NOS1AP: variants seen among roughly 807,000 people sequenced by gnomAD.
NOS1AP encodes carboxyl-terminal PDZ ligand of neuronal nitric oxide synthase protein.
Under a neutral mutation model 56.2 loss-of-function variants are expected in NOS1AP, and 21 were observed. The observed-to-expected ratio is 0.37, with a 90% CI of 0.26 to 0.54. NOS1AP has a LOEUF of 0.54. Among genes scored for constraint, NOS1AP ranks in the 20% least tolerant of loss-of-function variants. NOS1AP has a pLI of 0.84. For missense variants in NOS1AP, 522 were observed against 657.8 expected (o/e 0.79, Z 2.26); for synonymous variants, 270 against 274.6 (o/e 0.98, Z 0.17).
chr1:162,287,281 G>A, intron 2 of NOS1AP, 63 bp from the exon 3 acceptor site: 1 of 1,193,370 alleles, frequency 8.4e-7, no homozygotes, highest in Non-Finnish European at 1.3e-6. Flanking sequence ...GGCTAGCTGG[G>A]TCTGTATAGA....
intron 2 of NOS1AP, among the ~76,000 whole-genome samples, chr1:162,183,237 A>T (rs934153464): frequency 6.6e-6 from 1 of 152,202 alleles, no homozygotes; most frequent in Admixed American, 6.5e-5. Context: ...TTTTGAAAGA[A>T]ATATATTTCT....
chr1:162,355,379 TG>T (rs1270364238), intron 7 of NOS1AP, 26 bp downstream of exon 7: 3 of 1,613,720 alleles, frequency 1.9e-6, no homozygotes, highest in Non-Finnish European at 1.7e-6. Context: ...CCCATCTGTG[TG>T]ATCTGCACAC....
At chr1:162,211,567 G>C (rs1652348363) in intron 2 of NOS1AP, among the ~76,000 whole-genome samples, 1 of 152,120 alleles carries the variant, frequency 6.6e-6, no homozygotes, top group Non-Finnish European at 1.5e-5. Context: ...CTTATTTATT[G>C]ATGTTTCTTT....
intron 1 of NOS1AP, among the ~76,000 whole-genome samples, chr1:162,123,386 G>T (rs1341871073): frequency 6.6e-6 from 1 of 152,134 alleles, no homozygotes; most frequent in Non-Finnish European, 1.5e-5. Context: ...TGTCCAGGCT[G>T]GTCTCGAACT....
At chr1:162,361,394 G>A (rs1056426616) in intron 8 of NOS1AP, among the ~76,000 whole-genome samples, 9 of 152,152 alleles carry the variant, frequency 5.9e-5, no homozygotes, top group Non-Finnish European at 1.3e-4. Flanking sequence ...TTCACGTAAC[G>A]CTGCCTCGTT....
At chr1:162,211,399 T>C (rs149960008) in intron 2 of NOS1AP, among the ~76,000 whole-genome samples, 22 of 152,288 alleles carry the variant, frequency 1.4e-4, no homozygotes, top group African/African-American at 3.9e-4. Context: ...CCTCCTCTTA[T>C]TGGAAGGATG....
chr1:162,314,801 A>G (rs1378576563), intron 4 of NOS1AP, among the ~76,000 whole-genome samples: 2 of 152,220 alleles, frequency 1.3e-5, no homozygotes, highest in African/African-American at 4.8e-5. Flanking sequence ...ATGAATTCCA[A>G]GGTAAGACTC....
At chr1:162,245,970 T>G (rs1653647420) in intron 2 of NOS1AP, among the ~76,000 whole-genome samples, 1 of 152,232 alleles carries the variant, frequency 6.6e-6, no homozygotes, top group Non-Finnish European at 1.5e-5. Context: ...AATACCAACG[T>G]TAACACATTT....
At chr1:162,140,076 G>A (rs1274531402) in intron 1 of NOS1AP, among the ~76,000 whole-genome samples, 1 of 152,140 alleles carries the variant, frequency 6.6e-6, no homozygotes, top group Non-Finnish European at 1.5e-5. Context: ...TGATCCACCT[G>A]CCTCAGCCTC....
intron 6 of NOS1AP, among the ~76,000 whole-genome samples, chr1:162,350,124 G>T (rs1657443674): frequency 6.6e-6 from 1 of 152,118 alleles, no homozygotes; most frequent in Non-Finnish European, 1.5e-5. Context: ...TTTTTTACGA[G>T]AATCTCACCT....
At chr1:162,340,242 T>G (rs1657067827) in intron 5 of NOS1AP, among the ~76,000 whole-genome samples, 1 of 152,198 alleles carries the variant, frequency 6.6e-6, no homozygotes, top group East Asian at 1.9e-4. Flanking sequence ...ATTTATTAAT[T>G]TAATTATTAA....
chr1:162,172,062 G>A (rs116457656), intron 2 of NOS1AP, among the ~76,000 whole-genome samples: 5,256 of 152,252 alleles, frequency 0.035, 134 homozygotes, highest in Non-Finnish European at 0.049. Context: ...TGCTCAGTGG[G>A]AGAAACTTCC....
At chr1:162,273,311 C>T (rs1654640930) in intron 2 of NOS1AP, among the ~76,000 whole-genome samples, 1 of 151,922 alleles carries the variant, frequency 6.6e-6, no homozygotes, top group East Asian at 1.9e-4. Flanking sequence ...CTACAGGCGC[C>T]CGCCACCACA....
intron 2 of NOS1AP, among the ~76,000 whole-genome samples, chr1:162,214,793 A>G (rs1225788983): frequency 1.3e-5 from 2 of 152,186 alleles, no homozygotes; most frequent in African/African-American, 4.8e-5. Flanking sequence ...ATTTTCTTCC[A>G]TGAAGAGTGG....
intron 6 of NOS1AP, 32 bp downstream of exon 6, chr1:162,344,008 G>C: frequency 1.2e-6 from 2 of 1,612,796 alleles, no homozygotes; most frequent in Non-Finnish European, 1.7e-6. Flanking sequence ...GATGTGGGTG[G>C]GAAGGCAGTG....
intron 2 of NOS1AP, among the ~76,000 whole-genome samples, chr1:162,275,778 C>T (rs757084614): frequency 3.3e-5 from 5 of 152,292 alleles, no homozygotes; most frequent in South Asian, 4.1e-4. Context: ...CATCTGTCTT[C>T]GGGGGCCCTC....
chr1:162,118,437 A>T (rs1375707993), intron 1 of NOS1AP, among the ~76,000 whole-genome samples: 1 of 151,994 alleles, frequency 6.6e-6, no homozygotes, highest in African/African-American at 2.4e-5. Flanking sequence ...ACATGATTTC[A>T]TTCTTTTTTG....
At chr1:162,289,633 C>T (rs1304520150) in intron 3 of NOS1AP, among the ~76,000 whole-genome samples, 4 of 151,870 alleles carry the variant, frequency 2.6e-5, no homozygotes, top group Non-Finnish European at 5.9e-5. Context: ...CGCCACTACG[C>T]CCGGCTAATT....
chr1:162,208,090 C>T (rs968138954), intron 2 of NOS1AP, among the ~76,000 whole-genome samples: 1 of 152,270 alleles, frequency 6.6e-6, no homozygotes, highest in South Asian at 2.1e-4. Flanking sequence ...CAGCAGTGAG[C>T]ATGCTTCTTG....
Sources: allele counts gnomAD v4.1 joint callset (sites outside exome capture counted in the v4.1 genomes callset), GRCh38; gene constraint gnomAD v4.1.1; transcripts MANE v1.5; gene names NCBI Gene and HGNC (gene_info 2026-07-23, HGNC 2026-07-21).